Variants in FAR2 observed in about 807,000 individuals in gnomAD.
The protein encoded by FAR2 is fatty acyl-CoA reductase 2, also known as epididymis secretory protein Li 81.
A neutral mutation model predicts 56.0 loss-of-function variants in FAR2; 19 were observed. The observed-to-expected ratio is 0.34, with a 90% CI of 0.24 to 0.50. FAR2 has a LOEUF of 0.50. Ranked by LOEUF, FAR2 falls within the 20% of genes least tolerant of loss-of-function variation. The pLI, the probability that FAR2 is intolerant of heterozygous loss-of-function variation, is 0.98. For missense variants in FAR2, 508 were observed against 642.2 expected (o/e 0.79, Z 2.26); for synonymous variants, 219 against 218.8 (o/e 1.00, Z -0.01).
chr12:29,217,478 G>A (rs554135042), intron 1 of FAR2, among the ~76,000 whole-genome samples: 10 of 152,284 alleles, frequency 6.6e-5, no homozygotes, highest in Non-Finnish European at 1.5e-4. Flanking sequence ...GGGTTAGAAA[G>A]GCAGAGAGAG....
chr12:29,205,425 A>G (rs1444342560), intron 1 of FAR2, among the ~76,000 whole-genome samples: 1 of 152,214 alleles, frequency 6.6e-6, no homozygotes, highest in African/African-American at 2.4e-5. Flanking sequence ...GATCTGAAGC[A>G]CAAAATTTCC....
Position 29,239,452 on chromosome 12 carries a change from CTGTG to C in FAR2, c.-38-30932_-38-30929del, listed in dbSNP as rs34821915. The stretch of plus-strand genomic sequence containing the variant: ...AATGTGCCACAGCTAAATGAATCAA[CTGTG>C]TGTGTGTGTGTGTGTGTGTGTGTGT... On this transcript the variant is annotated intron_variant, in intron 1 of 11. Coordinates refer to ENST00000536681, the MANE Select transcript of FAR2 (RefSeq NM_001271783.2). Among the ~76,000 whole-genome samples the C allele has an allele frequency of 9.9e-3, 1,463 of 147,938 alleles. 22 individuals are homozygous for C. Among genetic ancestry groups the C allele is most frequent in the Middle Eastern group, 0.034 (10 of 290 alleles).
rs1385936448 is a variant in FAR2 at position 29,298,090 on chromosome 12, T to C, written c.545+890T>C. On this transcript the variant is annotated intron_variant, in intron 4 of 11. Transcript: ENST00000536681. Reference sequence around the variant, plus strand: ...GAAGAATAAGAATTGCTCCAAGATCTGGCAGAAGGTGACAGTCTCTTGACT... The same window carrying C: ...GAAGAATAAGAATTGCTCCAAGATCCGGCAGAAGGTGACAGTCTCTTGACT... Among the ~76,000 whole-genome samples, 4 of 151,328 alleles carry C rather than the reference T, an allele frequency of 2.6e-5. No homozygotes were observed. In the East Asian group the frequency reaches 7.7e-4, roughly 29 times the overall value.
intron 1 of FAR2, among the ~76,000 whole-genome samples, chr12:29,256,471 C>T (rs976562313): frequency 5.3e-5 from 8 of 152,230 alleles, no homozygotes; most frequent in African/African-American, 1.4e-4. Flanking sequence ...TTAGAGGTGA[C>T]AGCCTGCTGG....
At chr12:29,174,104 AG>A (rs1949913329) in intron 1 of FAR2, among the ~76,000 whole-genome samples, 1 of 152,110 alleles carries the variant, frequency 6.6e-6, no homozygotes, top group South Asian at 2.1e-4. Context: ...ACCCCGAGGG[AG>A]GGAAGTGATC....
intron 1 of FAR2, among the ~76,000 whole-genome samples, chr12:29,203,479 T>C (rs1691018155): frequency 1.3e-5 from 2 of 152,208 alleles, no homozygotes; most frequent in African/African-American, 4.8e-5. Context: ...TTAGTGGGAA[T>C]GGTCTACATA....
At chr12:29,319,139 C>T (rs1949511586) in intron 9 of FAR2, among the ~76,000 whole-genome samples, 1 of 151,722 alleles carries the variant, frequency 6.6e-6, no homozygotes, top group Non-Finnish European at 1.5e-5. Flanking sequence ...TACAGGCGCC[C>T]GCCACTGTGC....
chr12:29,321,718 A>C (rs1219504077), intron 9 of FAR2, 77 bp from the exon 10 acceptor site: 1 of 1,486,086 alleles, frequency 6.7e-7, no homozygotes, highest in Non-Finnish European at 9.0e-7. Flanking sequence ...TTTCTTAAAA[A>C]TAATTTCTCA....
intron 2 of FAR2, among the ~76,000 whole-genome samples, chr12:29,289,824 G>A (rs1001331320): frequency 1.3e-5 from 2 of 152,000 alleles, no homozygotes; most frequent in African/African-American, 4.8e-5. Flanking sequence ...AATACATAAG[G>A]AGCTCAAACA....
chr12:29,239,452 C>CTGTGTG (rs34821915), intron 1 of FAR2, among the ~76,000 whole-genome samples: 25,314 of 147,724 alleles, frequency 0.17, 2,155 homozygotes, highest in East Asian at 0.2. Context: ...AATGAATCAA[C>CTGTGTG]TGTGTGTGTG....
At chr12:29,304,586 A>G (rs1183107915) in intron 4 of FAR2, among the ~76,000 whole-genome samples, 1 of 152,224 alleles carries the variant, frequency 6.6e-6, no homozygotes, top group Non-Finnish European at 1.5e-5. Flanking sequence ...TGAGGGTATC[A>G]GGGGAGGGGA....
intron 1 of FAR2, among the ~76,000 whole-genome samples, chr12:29,255,288 A>C (rs1194980020): frequency 6.6e-6 from 1 of 152,042 alleles, no homozygotes; most frequent in Admixed American, 6.6e-5. Context: ...CTGCCTAGAG[A>C]GCTCTCTGGT....
intron 10 of FAR2, 125 bp from the exon 11 acceptor site, chr12:29,332,463 AATCTCTCCTTTG>A: frequency 8.5e-7 from 1 of 1,183,156 alleles, no homozygotes; most frequent in Admixed American, 2.5e-5. Flanking sequence ...TGACTCAAAT[AATCTCTCCTTTG>A]GAGAGGGTCC....
chr12:29,179,035 C>T (rs778648204), intron 1 of FAR2, among the ~76,000 whole-genome samples: 1 of 152,102 alleles, frequency 6.6e-6, no homozygotes, highest in Non-Finnish European at 1.5e-5. Context: ...GTCTTCAGAA[C>T]ATTTTCTCTC....
At chr12:29,157,507 A>T (rs940452251) in intron 1 of FAR2, among the ~76,000 whole-genome samples, 8 of 152,258 alleles carry the variant, frequency 5.3e-5, no homozygotes, top group Admixed American at 1.3e-4. Context: ...AGAAAAGACA[A>T]AAATATGGCT....
rs1215419437 is a variant in FAR2 at position 29,302,058 on chromosome 12, G to C, written c.545+4858G>C. 4 of 152,040 alleles carry C rather than the reference G, an allele frequency of 2.6e-5. No individual in the cohort carries two copies. In the South Asian group the frequency reaches 6.3e-4, roughly 24 times the overall value. The allele number at this position is 152,040 out of a possible 1,614,324, so 9.4% of individuals were successfully genotyped here. Reference sequence around the variant, plus strand: ...ATCCTGGCTAACGCGGTGAAACCCCGTCTCTACTAAAAATACAAAAAATTA... The same window carrying C: ...ATCCTGGCTAACGCGGTGAAACCCCCTCTCTACTAAAAATACAAAAAATTA... On this transcript the variant is annotated intron_variant, in intron 4 of 11. Coordinates refer to ENST00000536681, the MANE Select transcript of FAR2 (RefSeq NM_001271783.2).
chr12:29,307,575 TTTTG>T (rs1949272225), intron 4 of FAR2, 79 bp from the exon 5 acceptor site: 1 of 1,375,760 alleles, frequency 7.3e-7, no homozygotes. Flanking sequence ...AAGGTGGAAG[TTTTG>T]TTTGATTGTG....
intron 4 of FAR2, among the ~76,000 whole-genome samples, chr12:29,302,933 G>A (rs565285387): frequency 6.6e-6 from 1 of 152,130 alleles, no homozygotes; most frequent in Admixed American, 6.5e-5. Flanking sequence ...TTGCATATGG[G>A]GTTGCACCTA....
chr12:29,250,335 T>C (rs1158262922), intron 1 of FAR2, among the ~76,000 whole-genome samples: 1 of 152,166 alleles, frequency 6.6e-6, no homozygotes, highest in East Asian at 1.9e-4. Context: ...TCCTGGTTAT[T>C]ACTTTATTTG....
Sources: allele counts gnomAD v4.1 joint callset (sites outside exome capture counted in the v4.1 genomes callset), GRCh38; gene constraint gnomAD v4.1.1; transcripts MANE v1.5; gene names NCBI Gene and HGNC (gene_info 2026-07-23, HGNC 2026-07-21).